NR2F1-AS1: variants seen among roughly 807,000 people sequenced by gnomAD.
The protein encoded by NR2F1-AS1 is NR2F1 antisense RNA 1.
chr5:93,576,566 G>T (rs184563622), intron 1 of NR2F1-AS1, among the ~76,000 whole-genome samples: 2 of 152,104 alleles, frequency 1.3e-5, no homozygotes, highest in East Asian at 3.9e-4. Flanking sequence ...CGTTCTGATA[G>T]GTAAATACAA....
chr5:93,459,939 G>C (rs546461985), intron 4 of NR2F1-AS1, among the ~76,000 whole-genome samples: 5 of 152,082 alleles, frequency 3.3e-5, no homozygotes, highest in Non-Finnish European at 7.4e-5. Flanking sequence ...TGAAAATGCT[G>C]CAAGATTGTT....
chr5:93,484,510 A>G (rs1750673764), intron 4 of NR2F1-AS1, among the ~76,000 whole-genome samples: 1 of 152,224 alleles, frequency 6.6e-6, no homozygotes, highest in Non-Finnish European at 1.5e-5. Context: ...CCAAATGGTA[A>G]AGACCATTGA....
At chr5:93,469,860 C>G (rs1750329514) in intron 4 of NR2F1-AS1, among the ~76,000 whole-genome samples, 1 of 151,898 alleles carries the variant, frequency 6.6e-6, no homozygotes, top group South Asian at 2.1e-4. Context: ...TTTGACTCTC[C>G]CTAACCCTCA....
chr5:93,539,815 G>A (rs1218233738), intron 4 of NR2F1-AS1, among the ~76,000 whole-genome samples: 1 of 152,128 alleles, frequency 6.6e-6, no homozygotes, highest in East Asian at 1.9e-4. Flanking sequence ...GATACACTAA[G>A]TAACCTGATT....
At chr5:93,426,807 G>C in intron 4 of NR2F1-AS1, among the ~76,000 whole-genome samples, 1 of 152,262 alleles carries the variant, frequency 6.6e-6, no homozygotes, top group East Asian at 1.9e-4. Flanking sequence ...AAACAACTTC[G>C]CAGTTTTACT....
chr5:93,436,604 A>C (rs1334099886), intron 4 of NR2F1-AS1, among the ~76,000 whole-genome samples: 1 of 152,174 alleles, frequency 6.6e-6, no homozygotes, highest in Non-Finnish European at 1.5e-5. Flanking sequence ...TTTTCCCATC[A>C]ATGTCTGTTT....
intron 4 of NR2F1-AS1, among the ~76,000 whole-genome samples, chr5:93,479,434 T>C (rs1750554531): frequency 6.6e-6 from 1 of 152,164 alleles, no homozygotes; most frequent in Non-Finnish European, 1.5e-5. Flanking sequence ...TAACAAAACA[T>C]AGGCTTCTGG....
chr5:93,498,380 A>G (rs1486167541), intron 4 of NR2F1-AS1, among the ~76,000 whole-genome samples: 1 of 152,136 alleles, frequency 6.6e-6, no homozygotes, highest in Non-Finnish European at 1.5e-5. Flanking sequence ...GAATAAAATT[A>G]CTATCAGTTT....
intron 4 of NR2F1-AS1, among the ~76,000 whole-genome samples, chr5:93,547,688 C>T (rs1308011495): frequency 6.6e-6 from 1 of 152,076 alleles, no homozygotes; most frequent in East Asian, 1.9e-4. Context: ...AAAGAACTAA[C>T]CAAATCCAGG....
intron 4 of NR2F1-AS1, among the ~76,000 whole-genome samples, chr5:93,538,144 A>AAATG (rs887565044): frequency 1.2e-4 from 19 of 152,262 alleles, no homozygotes; most frequent in East Asian, 5.8e-4. Context: ...ATGGGTTGGA[A>AAATG]AATGAATGAA....
chr5:93,484,890 A>C (rs1270681659), intron 4 of NR2F1-AS1, among the ~76,000 whole-genome samples: 1 of 152,154 alleles, frequency 6.6e-6, no homozygotes, highest in Non-Finnish European at 1.5e-5. Flanking sequence ...TTGGTGAAGG[A>C]ATCAATGCAA....
intron 4 of NR2F1-AS1, among the ~76,000 whole-genome samples, chr5:93,417,001 C>T (rs1748981495): frequency 6.6e-6 from 1 of 152,148 alleles, no homozygotes; most frequent in Non-Finnish European, 1.5e-5. Flanking sequence ...AGATAACTAT[C>T]TCCATTTTAC....
intron 4 of NR2F1-AS1, among the ~76,000 whole-genome samples, chr5:93,425,403 A>C (rs532259757): frequency 5.0e-4 from 76 of 152,310 alleles, no homozygotes; most frequent in Non-Finnish European, 9.1e-4. Context: ...GAGTCTCTGC[A>C]CTGTTTGCTA....
upstream of NR2F1-AS1, among the ~76,000 whole-genome samples, chr5:93,581,671 T>TCTCTCTCTCTCTCTCTCTCTC: frequency 6.8e-5 from 1 of 14,676 alleles, no homozygotes; most frequent in Non-Finnish European, 1.5e-4. Context: ...GGTCTCGGTC[T>TCTCTCTCTCTCTCTCTCTCTC]CTCTCTCTCT....
intron 4 of NR2F1-AS1, among the ~76,000 whole-genome samples, chr5:93,519,351 A>G (rs1311709972): frequency 1.3e-5 from 2 of 152,024 alleles, no homozygotes; most frequent in Non-Finnish European, 2.9e-5. Context: ...CTTTATATGC[A>G]TATGTATTTA....
chr5:93,531,762 G>A (rs1011093789), intron 4 of NR2F1-AS1, among the ~76,000 whole-genome samples: 8 of 152,122 alleles, frequency 5.3e-5, no homozygotes, highest in South Asian at 2.1e-4. Context: ...TTATAACTCC[G>A]TAGTAGCATA....
intron 4 of NR2F1-AS1, among the ~76,000 whole-genome samples, chr5:93,447,272 C>G (rs1749733364): frequency 6.6e-6 from 1 of 152,108 alleles, no homozygotes; most frequent in Non-Finnish European, 1.5e-5. Context: ...AGGCAACCTA[C>G]AGAATGGGAG....
intron 4 of NR2F1-AS1, among the ~76,000 whole-genome samples, chr5:93,433,394 A>G (rs1163921421): frequency 1.3e-5 from 2 of 152,164 alleles, no homozygotes; most frequent in African/African-American, 4.8e-5. Flanking sequence ...TCAAAGTACT[A>G]CACTGACTGG....
intron 4 of NR2F1-AS1, among the ~76,000 whole-genome samples, chr5:93,490,759 A>C (rs1424833355): frequency 2.8e-5 from 4 of 143,450 alleles, no homozygotes; most frequent in Admixed American, 6.9e-5. Context: ...GGTTGTAGTC[A>C]TGCTGGTGAT....
Sources: gnomAD v4.1 joint callset for allele counts (sites outside exome capture counted in the v4.1 genomes callset) on GRCh38, gnomAD v4.1.1 for gene constraint, MANE v1.5 for transcripts, NCBI Gene and HGNC (gene_info 2026-07-23, HGNC 2026-07-21) for gene names.